GRIK2: variants seen among roughly 807,000 people sequenced by gnomAD.
The protein encoded by GRIK2 is glutamate receptor ionotropic, kainate 2.
A neutral mutation model predicts 100.3 loss-of-function variants in GRIK2; 32 were observed. The ratio of observed to expected loss-of-function variants is 0.32; its 90% CI spans 0.24 to 0.43. The LOEUF (loss-of-function observed/expected upper bound fraction) is 0.43. Ranked by LOEUF, GRIK2 falls within the 20% of genes least tolerant of loss-of-function variation. The pLI, the probability that GRIK2 is intolerant of heterozygous loss-of-function variation, is 1.00. For synonymous variants in GRIK2, 417 were observed against 389.4 expected, an observed-to-expected ratio of 1.07 and a Z score of -0.83; for missense variants, 843 against 1,114.9, an observed-to-expected ratio of 0.76 and a Z score of 3.47.
intron 2 of GRIK2, among the ~76,000 whole-genome samples, chr6:101,419,050 T>C (rs1162904559): frequency 1.3e-5 from 2 of 152,218 alleles, no homozygotes; most frequent in South Asian, 4.1e-4. Flanking sequence ...GAAAGACTCT[T>C]ACACATCCTT....
chr6:101,662,787 T>C (rs1186209372), intron 4 of GRIK2, among the ~76,000 whole-genome samples: 1 of 152,106 alleles, frequency 6.6e-6, no homozygotes, highest in Non-Finnish European at 1.5e-5. Context: ...GAAAAATGAT[T>C]TGCATATCTG....
intron 4 of GRIK2, 128 bp downstream of exon 4, chr6:101,626,765 AAGAC>A: frequency 1.4e-6 from 1 of 721,620 alleles, no homozygotes; most frequent in Non-Finnish European, 2.3e-6. Context: ...AAGGGGTAGA[AAGAC>A]AGAATCAAAC....
At chr6:101,581,287 C>A (rs907414902) in intron 2 of GRIK2, among the ~76,000 whole-genome samples, 1 of 149,682 alleles carries the variant, frequency 6.7e-6, no homozygotes, top group Non-Finnish European at 1.5e-5. Flanking sequence ...TGTATACACA[C>A]GTGTGTGTGT....
chr6:101,879,806 G>T (rs908392841), intron 11 of GRIK2, among the ~76,000 whole-genome samples: 1 of 151,758 alleles, frequency 6.6e-6, no homozygotes, highest in Non-Finnish European at 1.5e-5. Flanking sequence ...CTATTTCGGG[G>T]TAGGTAAACT....
At chr6:101,941,197 TAATTA>T (rs1056731818) in intron 14 of GRIK2, among the ~76,000 whole-genome samples, 5 of 152,060 alleles carry the variant, frequency 3.3e-5, no homozygotes, top group African/African-American at 1.2e-4. Flanking sequence ...AATCAAAATA[TAATTA>T]AATTATTTTT....
intron 14 of GRIK2, among the ~76,000 whole-genome samples, chr6:101,959,594 G>C (rs1792156658): frequency 6.6e-6 from 1 of 151,880 alleles, no homozygotes; most frequent in Non-Finnish European, 1.5e-5. Context: ...GTTCTTTTCT[G>C]ATCTTTGTTA....
At chr6:101,608,285 T>G (rs958581560) in intron 2 of GRIK2, among the ~76,000 whole-genome samples, 3 of 151,918 alleles carry the variant, frequency 2.0e-5, no homozygotes, top group African/African-American at 7.2e-5. Flanking sequence ...TCAATAAATA[T>G]AAATTTAACC....
chr6:101,547,567 G>C (rs929954382), intron 2 of GRIK2, among the ~76,000 whole-genome samples: 3 of 152,136 alleles, frequency 2.0e-5, no homozygotes, highest in Admixed American at 2.0e-4. Flanking sequence ...AGAACATGCG[G>C]TGTTTGGATT....
chr6:101,931,073 A>G (rs1392766173), intron 14 of GRIK2, among the ~76,000 whole-genome samples: 1 of 152,176 alleles, frequency 6.6e-6, no homozygotes, highest in Admixed American at 6.6e-5. Flanking sequence ...TAGAACTCAC[A>G]AGACTACATT....
intron 10 of GRIK2, among the ~76,000 whole-genome samples, chr6:101,823,398 A>G (rs1336048739): frequency 1.3e-5 from 2 of 152,038 alleles, no homozygotes; most frequent in Non-Finnish European, 2.9e-5. Flanking sequence ...ATAAAATTGG[A>G]GATTTATGGA....
chr6:101,852,129 A>G (rs1784168747), intron 10 of GRIK2, among the ~76,000 whole-genome samples: 1 of 152,074 alleles, frequency 6.6e-6, no homozygotes, highest in South Asian at 2.1e-4. Flanking sequence ...AAACATTACT[A>G]TTGCTTAGTC....
intron 2 of GRIK2, among the ~76,000 whole-genome samples, chr6:101,422,472 C>T (rs934147853): frequency 6.6e-6 from 1 of 152,092 alleles, no homozygotes; most frequent in African/African-American, 2.4e-5. Flanking sequence ...AGAGTCTCCT[C>T]CTTGGGGAAG....
intron 4 of GRIK2, among the ~76,000 whole-genome samples, chr6:101,642,345 T>A (rs1235120533): frequency 6.6e-6 from 1 of 151,818 alleles, no homozygotes; most frequent in African/African-American, 2.4e-5. Context: ...TCTCCAGAAC[T>A]TTTTTATTTT....
chr6:101,447,963 T>C (rs1770471106), intron 2 of GRIK2, among the ~76,000 whole-genome samples: 1 of 151,716 alleles, frequency 6.6e-6, no homozygotes, highest in Admixed American at 6.6e-5. Context: ...AACTCAATCA[T>C]GTAGCACAGA....
At chr6:101,582,050 GT>G (rs560661229) in intron 2 of GRIK2, among the ~76,000 whole-genome samples, 8 of 150,554 alleles carry the variant, frequency 5.3e-5, no homozygotes, top group South Asian at 2.1e-4. Context: ...GATCTGATGG[GT>G]TTTTTTTTCA....
chr6:101,831,399 A>T (rs1359207181), intron 10 of GRIK2, among the ~76,000 whole-genome samples: 2 of 151,946 alleles, frequency 1.3e-5, no homozygotes, highest in African/African-American at 4.8e-5. Flanking sequence ...TGGTATTCTC[A>T]CTTCTAATTT....
chr6:101,496,147 A>T (rs1409154515), intron 2 of GRIK2, among the ~76,000 whole-genome samples: 4 of 151,994 alleles, frequency 2.6e-5, no homozygotes, highest in Non-Finnish European at 5.9e-5. Context: ...GGGTTTCACC[A>T]TGTTGGCCAG....
intron 2 of GRIK2, among the ~76,000 whole-genome samples, chr6:101,590,359 G>C (rs1272073556): frequency 1.3e-5 from 2 of 152,034 alleles, no homozygotes; most frequent in Non-Finnish European, 2.9e-5. Context: ...AGAGGAAAAG[G>C]CTTCTCTTCC....
chr6:101,890,753 T>C (rs1786998925), intron 12 of GRIK2, among the ~76,000 whole-genome samples: 1 of 152,056 alleles, frequency 6.6e-6, no homozygotes, highest in Non-Finnish European at 1.5e-5. Flanking sequence ...TTTCAACTGA[T>C]AGATTGTGTC....
Sources: gnomAD v4.1 joint callset for allele counts (sites outside exome capture counted in the v4.1 genomes callset) on GRCh38, gnomAD v4.1.1 for gene constraint, MANE v1.5 for transcripts, NCBI Gene and HGNC (gene_info 2026-07-23, HGNC 2026-07-21) for gene names.